Variants in FOXJ3 observed in about 807,000 individuals in gnomAD.
The protein encoded by FOXJ3 is forkhead box protein J3.
Under a neutral mutation model 76.1 loss-of-function variants are expected in FOXJ3, and 22 were observed. The ratio of observed to expected loss-of-function variants is 0.29; its 90% CI spans 0.21 to 0.41. The LOEUF (loss-of-function observed/expected upper bound fraction) is 0.41, where lower values mean the gene tolerates loss of function less well. FOXJ3 is among the 10% of genes least tolerant of loss of function. The pLI is 1.00. For missense variants in FOXJ3, 613 were observed against 762.1 expected (o/e 0.80, Z 2.30); for synonymous variants, 269 against 261.2 (o/e 1.03, Z -0.29).
chr1:42,273,662 G>T (rs1004708595), intron 3 of FOXJ3, among the ~76,000 whole-genome samples: 1 of 110,634 alleles, frequency 9.0e-6, no homozygotes, highest in Admixed American at 1.4e-4. Context: ...ACAACAGAGC[G>T]ACACTCCATC....
At chr1:42,313,491 C>G (rs1314599876) in intron 1 of FOXJ3, among the ~76,000 whole-genome samples, 1 of 152,116 alleles carries the variant, frequency 6.6e-6, no homozygotes, top group Non-Finnish European at 1.5e-5. Context: ...CAGGTAAGAT[C>G]TCAAAATAAA....
chr1:42,312,274 T>C (rs1432883038), intron 1 of FOXJ3, among the ~76,000 whole-genome samples: 1 of 152,202 alleles, frequency 6.6e-6, no homozygotes, highest in Non-Finnish European at 1.5e-5. Context: ...CCCAGGCTGA[T>C]CTTGAACTCC....
At chr1:42,314,607 T>C (rs1394368026) in intron 1 of FOXJ3, among the ~76,000 whole-genome samples, 4 of 152,182 alleles carry the variant, frequency 2.6e-5, no homozygotes, top group Non-Finnish European at 5.9e-5. Flanking sequence ...ATGATCTGAG[T>C]GTGTCTGCTC....
chr1:42,335,239 C>T (rs1223225559), upstream of FOXJ3: 2 of 152,166 alleles, frequency 1.3e-5, no homozygotes, highest in Non-Finnish European at 2.9e-5. Flanking sequence ...AACTACTTCC[C>T]GACCCGCATC....
chr1:42,315,678 A>G (rs1004923799), intron 1 of FOXJ3, among the ~76,000 whole-genome samples: 1 of 152,248 alleles, frequency 6.6e-6, no homozygotes, highest in Non-Finnish European at 1.5e-5. Flanking sequence ...GCAACTGAAC[A>G]GCAACAGGGA....
At chr1:42,263,930 CTTTTTTTTTTTTTTTTTTT>C (rs61375062) in intron 4 of FOXJ3, among the ~76,000 whole-genome samples, 2 of 71,396 alleles carry the variant, frequency 2.8e-5, no homozygotes, top group African/African-American at 1.0e-4. Context: ...AGTAGGTTAA[CTTTTTTTTTTTTTTTTTTT>C]TTTTTTTTTG....
At chr1:42,322,781 T>A (rs1212777967) in intron 1 of FOXJ3, among the ~76,000 whole-genome samples, 1 of 152,058 alleles carries the variant, frequency 6.6e-6, no homozygotes, top group African/African-American at 2.4e-5. Flanking sequence ...AGATGAGAAC[T>A]GAATATGAGC....
chr1:42,237,425 T>TACAC (rs1553161288), intron 4 of FOXJ3, among the ~76,000 whole-genome samples: 2 of 137,504 alleles, frequency 1.5e-5, no homozygotes, highest in African/African-American at 5.5e-5. Context: ...TATATATATA[T>TACAC]ATACATACAT....
At position 42,268,501 on chromosome 1, in the gene FOXJ3, T is replaced by TA. The variant is rs138282846; in HGVS notation, c.370-3313dup. Reference sequence around the variant, plus strand: ...AATAAATGAACAGTGCCGGAAATGGTAAAAAATGAAGGTAGATTTAATGCT... The same window carrying TA: ...AATAAATGAACAGTGCCGGAAATGGTAAAAAAATGAAGGTAGATTTAATGCT... On this transcript the variant is annotated intron_variant, in intron 3 of 12. Transcript: ENST00000361346. 4.2e-3 allele frequency among the ~76,000 whole-genome samples: 636 copies of TA among 151,840 alleles called. 4 individuals carry two copies. Among genetic ancestry groups the TA allele is most frequent in the African/African-American group, 0.015 (618 of 41,412 alleles).
chr1:42,182,699 T>C (rs1382212343), intron 11 of FOXJ3, among the ~76,000 whole-genome samples: 1 of 152,134 alleles, frequency 6.6e-6, no homozygotes, highest in Non-Finnish European at 1.5e-5. Flanking sequence ...GGTTTTACCA[T>C]GTTGGCCAGG....
intron 5 of FOXJ3, among the ~76,000 whole-genome samples, 197 bp downstream of exon 5, chr1:42,227,686 T>G (rs1411295290): frequency 6.6e-6 from 1 of 152,220 alleles, no homozygotes; most frequent in East Asian, 1.9e-4. Context: ...AACCTTTTAC[T>G]TAATTCCTAA....
At chr1:42,293,689 T>C (rs1021502783) in intron 2 of FOXJ3, among the ~76,000 whole-genome samples, 1 of 152,216 alleles carries the variant, frequency 6.6e-6, no homozygotes, top group Admixed American at 6.5e-5. Flanking sequence ...TCTATAGACC[T>C]ATCTTGCACT....
intron 2 of FOXJ3, among the ~76,000 whole-genome samples, chr1:42,285,092 G>C (rs907147251): frequency 1.3e-5 from 2 of 152,020 alleles, no homozygotes; most frequent in Admixed American, 1.3e-4. Flanking sequence ...TCAATCTTTT[G>C]TATTTTATGA....
At chr1:42,291,023 CATAT>C (rs1653381570) in intron 2 of FOXJ3, among the ~76,000 whole-genome samples, 1 of 128,958 alleles carries the variant, frequency 7.8e-6, no homozygotes, top group Middle Eastern at 4.0e-3. Flanking sequence ...AGAAAAGACC[CATAT>C]AGATAGATAG....
intron 12 of FOXJ3, among the ~76,000 whole-genome samples, 159 bp downstream of exon 12, chr1:42,181,758 G>A (rs918604842): frequency 1.3e-5 from 2 of 151,658 alleles, no homozygotes; most frequent in African/African-American, 2.4e-5. Context: ...TTAAACTCTG[G>A]GTAACAACTG....
At position 42,176,842 on chromosome 1, in the gene FOXJ3, A is replaced by G. The variant is rs923077536; in HGVS notation, c.*2868T>C. The G allele has an allele frequency of 2.0e-5, 3 of 152,668 alleles. No homozygotes were observed. Among genetic ancestry groups the G allele is most frequent in the Non-Finnish European group, 4.4e-5 (3 of 68,042 alleles). The allele number at this position is 152,668 out of a possible 1,614,324, so 9.5% of individuals were successfully genotyped here. A position where few individuals can be genotyped will look rare whatever the true frequency, so the allele number is the denominator to read the frequency against. ...GTACACATCACCCTCTGAATGAACA[A>G]TATCAAAATACTCTATTCCATTTGA... is the stretch of plus-strand genomic sequence containing the variant. On this transcript the variant is annotated 3_prime_UTR_variant, in exon 13 of 13. Coordinates refer to ENST00000361346, the MANE Select transcript of FOXJ3 (RefSeq NM_014947.5).
At chr1:42,213,552 C>A (rs1321849091) in intron 5 of FOXJ3, among the ~76,000 whole-genome samples, 1 of 151,062 alleles carries the variant, frequency 6.6e-6, no homozygotes, top group Non-Finnish European at 1.5e-5. Flanking sequence ...AATATACATG[C>A]ACCTAACTCC....
intron 2 of FOXJ3, among the ~76,000 whole-genome samples, chr1:42,294,750 G>A (rs911993240): frequency 1.1e-3 from 101 of 92,198 alleles, no homozygotes; most frequent in African/African-American, 3.7e-3. Context: ...CAACAAGAGC[G>A]AAACTTGGTC....
intron 1 of FOXJ3, among the ~76,000 whole-genome samples, chr1:42,317,870 T>C (rs1655213514): frequency 6.6e-6 from 1 of 152,206 alleles, no homozygotes; most frequent in African/African-American, 2.4e-5. Context: ...TATTACCTTA[T>C]TTTATTCTTC....
Sources: allele counts gnomAD v4.1 joint callset (sites outside exome capture counted in the v4.1 genomes callset), GRCh38; gene constraint gnomAD v4.1.1; transcripts MANE v1.5; gene names NCBI Gene and HGNC (gene_info 2026-07-23, HGNC 2026-07-21).